KDM1B: variants seen among roughly 807,000 people sequenced by gnomAD.
KDM1B encodes lysine demethylase 1B.
A neutral mutation model predicts 107.4 loss-of-function variants in KDM1B; 63 were observed. The observed-to-expected ratio is 0.59, with a 90% confidence interval of 0.48 to 0.72. The LOEUF (loss-of-function observed/expected upper bound fraction) is 0.72. KDM1B is among the 30% of genes least tolerant of loss of function. The probability of loss-of-function intolerance (pLI) is 0.00; values close to 1 mark genes in which losing one functional copy is unlikely to be tolerated. For missense variants in KDM1B, 749 were observed against 1,020.8 expected (o/e 0.73, Z 3.63); for synonymous variants, 363 against 363.9 (o/e 1.00, Z 0.03).
intron 5 of KDM1B, among the ~76,000 whole-genome samples, chr6:18,164,575 C>G (rs2150781104): frequency 6.6e-6 from 1 of 152,212 alleles, no homozygotes; most frequent in Middle Eastern, 3.4e-3. Context: ...ATATGGCTGC[C>G]TCAGCTTTTT....
At chr6:18,180,057 A>G (rs540093045) in intron 7 of KDM1B, among the ~76,000 whole-genome samples, 2 of 146,290 alleles carry the variant, frequency 1.4e-5, no homozygotes, top group East Asian at 4.0e-4. Context: ...TTTTTTTAAT[A>G]GAGACGGGGT....
At chr6:18,170,397 G>A (rs1785576946) in intron 6 of KDM1B, among the ~76,000 whole-genome samples, 1 of 151,954 alleles carries the variant, frequency 6.6e-6, no homozygotes, top group South Asian at 2.1e-4. Flanking sequence ...TTCTTTTACT[G>A]TTCTAGGATC....
chr6:18,221,968 A>C lies in KDM1B; in HGVS notation c.2445A>C (p.Glu815Asp), dbSNP rs1789790893. 1 of 1,614,050 alleles carries C rather than the reference A, an allele frequency of 6.2e-7. No individual in the cohort carries two copies. The highest frequency in any genetic ancestry group is 8.5e-7 in the Non-Finnish European group (1 of 1,179,926). Residue 815 changes from glutamate (E) to aspartate (D), a missense_variant, in exon 22 of 22, where the codon GAA becomes GAC. By Grantham distance (45) the Glu-to-Asp change is conservative. Transcript: ENST00000650836. The stretch of plus-strand genomic sequence containing the variant: ...GGGCATATTTGAGTGGCGTTCGAGA[A>C]GCAAGCAAGATTGCAGCATTTTAAG... ...VTGAYLSGVR[E>D]ASKIAAF
intron 17 of KDM1B, among the ~76,000 whole-genome samples, chr6:18,208,731 G>A (rs1377160958): frequency 1.5e-5 from 2 of 130,168 alleles, no homozygotes; most frequent in African/African-American, 2.9e-5. Context: ...TGCAAGCTCC[G>A]CCTCCCGGGT....
At chr6:18,181,491 G>A (rs866745967) in intron 7 of KDM1B, among the ~76,000 whole-genome samples, 15 of 152,298 alleles carry the variant, frequency 9.8e-5, no homozygotes, top group South Asian at 4.1e-4. Flanking sequence ...TCAGTTGGGC[G>A]CAGTGGCTCA....
intron 20 of KDM1B, among the ~76,000 whole-genome samples, chr6:18,215,682 AC>A (rs1419496185): frequency 6.6e-6 from 1 of 151,304 alleles, no homozygotes; most frequent in Non-Finnish European, 1.5e-5. Flanking sequence ...AGTGCCCTGT[AC>A]CTTTTTTTAC....
chr6:18,210,342 C>CTTTTTTTTTTTTTTTTTTTTTTTTT lies in KDM1B; in HGVS notation c.1867-2140_1867-2116dup, dbSNP rs533016543. 9.1e-4 allele frequency among the ~76,000 whole-genome samples: 64 copies of CTTTTTTTTTTTTTTTTTTTTTTTTT among 70,012 alleles called. 5 individuals are homozygous for CTTTTTTTTTTTTTTTTTTTTTTTTT. Among genetic ancestry groups the CTTTTTTTTTTTTTTTTTTTTTTTTT allele is most frequent in the Middle Eastern group, 9.3e-3 (1 of 108 alleles). The allele number at this position is 70,012 out of a possible 152,430, so 45.9% of individuals were successfully genotyped here. ...TCTTTCTTTTTTTTCTCTTTCTTTTCTTTTTTTTTTTTTTTTTTTTTTTTT... is the reference window on the plus strand; with the variant it reads ...TCTTTCTTTTTTTTCTCTTTCTTTTCTTTTTTTTTTTTTTTTTTTTTTTTTTTTTTTTTTTTTTTTTTTTTTTTTT... On this transcript the variant is annotated intron_variant, in intron 17 of 21. Coordinates refer to ENST00000650836, the MANE Select transcript of KDM1B (RefSeq NM_001364614.2).
chr6:18,221,830 TA>T, intron 21 of KDM1B, 78 bp from the exon 22 acceptor site: 1 of 1,148,838 alleles, frequency 8.7e-7, no homozygotes, highest in Non-Finnish European at 1.3e-6. Context: ...TTAGACCAGA[TA>T]AAGTCTAACC....
intron 12 of KDM1B, among the ~76,000 whole-genome samples, chr6:18,198,086 G>A (rs1787772225): frequency 6.6e-6 from 1 of 151,952 alleles, no homozygotes; most frequent in African/African-American, 2.4e-5. Flanking sequence ...TAGTAGAGTG[G>A]GGTTTCACCG....
In KDM1B at chr6:18,214,297, GT is replaced by G. The variant is rs1336775444; in HGVS notation, c.2109+519del. Among the ~76,000 whole-genome samples, 3 of 152,192 alleles carry G rather than the reference GT, an allele frequency of 2.0e-5. No individual in the cohort carries two copies. Among genetic ancestry groups the G allele is most frequent in the Admixed American group, 6.5e-5 (1 of 15,284 alleles). On this transcript the variant is annotated intron_variant, in intron 19 of 21. Coordinates refer to ENST00000650836, the MANE Select transcript of KDM1B (RefSeq NM_001364614.2). The surrounding 1 kb of genome is among the most constrained non-coding windows in gnomAD (Gnocchi z 4.4). ...GAATCATGGCTGTTTCTGACTTTCA[GT>G]TTCAAGAAACTTTGTCTTAAAAGGT...
chr6:18,208,062 G>C (rs977839557), intron 16 of KDM1B, 70 bp from the exon 17 acceptor site: 1 of 1,097,146 alleles, frequency 9.1e-7, no homozygotes, highest in African/African-American at 1.5e-5. Context: ...CATGTAATAT[G>C]AGAATCGGAA....
intron 7 of KDM1B, among the ~76,000 whole-genome samples, chr6:18,182,885 G>A (rs369113706): frequency 2.6e-5 from 4 of 152,070 alleles, no homozygotes; most frequent in African/African-American, 9.7e-5. Context: ...GACGTCCTGC[G>A]TTTAATTTAG....
intron 7 of KDM1B, among the ~76,000 whole-genome samples, chr6:18,177,406 C>A (rs1471886365): frequency 6.6e-6 from 1 of 151,136 alleles, no homozygotes; most frequent in Non-Finnish European, 1.5e-5. Context: ...TTCAAAGAAC[C>A]AGCTTTTTGT....
intron 2 of KDM1B, among the ~76,000 whole-genome samples, chr6:18,158,595 T>C (rs1784781255): frequency 6.6e-6 from 1 of 152,250 alleles, no homozygotes; most frequent in African/African-American, 2.4e-5. Flanking sequence ...TCCATAGGTA[T>C]GTCCTATTTA....
chr6:18,214,969 C>T lies in KDM1B; in HGVS notation c.2110-38C>T, dbSNP rs1443115419. The T allele has an allele frequency of 3.7e-6, 6 of 1,602,394 alleles. No individual in the cohort carries two copies. The highest frequency in any genetic ancestry group is 8.5e-7 in the Non-Finnish European group (1 of 1,175,330). Reference sequence around the variant, plus strand: ...GAGGCCCTTATCTGTGGGAGCTGAGCACTCACAGACCTCCTGCTTTTCCTT... The same window carrying T: ...GAGGCCCTTATCTGTGGGAGCTGAGTACTCACAGACCTCCTGCTTTTCCTT... On this transcript the variant is annotated intron_variant, in intron 19 of 21. Coordinates refer to ENST00000650836, the MANE Select transcript of KDM1B (RefSeq NM_001364614.2). The surrounding 1 kb of genome is among the most constrained non-coding windows in gnomAD (Gnocchi z 4.4).
intron 12 of KDM1B, among the ~76,000 whole-genome samples, chr6:18,199,559 A>G (rs214615): frequency 0.14 from 21,954 of 152,104 alleles, 2,368 homozygotes; most frequent in African/African-American, 0.3. Context: ...CCAGGGCTGC[A>G]GGTGACGTGC....
In KDM1B at chr6:18,197,011, T is replaced by C. The variant is rs184784325; in HGVS notation, c.970-46T>C. The stretch of plus-strand genomic sequence containing the variant: ...GTTTTCCTGCTATTGTTTGAATTTC[T>C]TGGGACTTTTTTAAAAAAGCAGTTT... On this transcript the variant is annotated intron_variant, in intron 10 of 21. Transcript: ENST00000650836. The surrounding 1 kb of genome is among the most constrained non-coding windows in gnomAD (Gnocchi z 4.5). The C allele has an allele frequency of 5.2e-5, 79 of 1,520,544 alleles. 1 individual carries two copies. The East Asian group carries it at 1.5e-3, about 29-fold the overall frequency. 94.2% of individuals were successfully genotyped at this position (1,520,544 alleles called of 1,614,324 possible).
intron 10 of KDM1B, among the ~76,000 whole-genome samples, chr6:18,196,207 T>C (rs1787640097): frequency 6.6e-6 from 1 of 152,222 alleles, no homozygotes; most frequent in African/African-American, 2.4e-5. Flanking sequence ...TGTGTGGATA[T>C]AGCACATTTT....
chr6:18,163,843 A>C lies in KDM1B; in HGVS notation c.305+919A>C, dbSNP rs972851352. 3.9e-5 allele frequency among the ~76,000 whole-genome samples: 6 copies of C among 152,140 alleles called. 1 individual carries two copies. Among genetic ancestry groups the C allele is most frequent in the Non-Finnish European group, 5.9e-5 (4 of 68,032 alleles). ...AAGTTTGCTTTATGGCCCGTAATGT[A>C]GTGTATCTTGGTAAATGTCCTGCAT... On this transcript the variant is annotated intron_variant, in intron 5 of 21. Transcript: ENST00000650836.
Sources: allele counts gnomAD v4.1 joint callset (sites outside exome capture counted in the v4.1 genomes callset), GRCh38; gene constraint gnomAD v4.1.1; non-coding constraint Gnocchi (gnomAD v3.1); transcripts MANE v1.5; gene names NCBI Gene and HGNC (gene_info 2026-07-23, HGNC 2026-07-21).